SCHIP1: variants seen among roughly 807,000 people sequenced by gnomAD.
SCHIP1 encodes the protein schwannomin interacting protein 1, also known as schwannomin-interacting protein 1.
A neutral mutation model predicts 29.7 loss-of-function variants in SCHIP1; 8 were observed. That is an observed-to-expected ratio of 0.27 (90% CI 0.16 to 0.49). The LOEUF (loss-of-function observed/expected upper bound fraction) is 0.49. Ranked by LOEUF, SCHIP1 falls within the 20% of genes least tolerant of loss-of-function variation. The probability of loss-of-function intolerance (pLI) is 0.99; values close to 1 mark genes in which losing one functional copy is unlikely to be tolerated. For missense variants in SCHIP1, 193 were observed against 294.6 expected (o/e 0.66, Z 2.52); for synonymous variants, 76 against 94.9 (o/e 0.80, Z 1.16).
At chr3:159,772,979 G>A in the SCHIP1 span, among the ~76,000 whole-genome samples, 2 of 152,130 alleles carry the variant, frequency 1.3e-5, no homozygotes, top group Non-Finnish European at 2.9e-5. Context: ...GACCTCAAGT[G>A]ATCCGCCTGC....
chr3:159,764,260 G>T, the SCHIP1 span: 1 of 597,630 alleles, frequency 1.7e-6, no homozygotes, highest in Non-Finnish European at 2.7e-6. The surrounding 1 kb of genome is among the most constrained non-coding windows in gnomAD (Gnocchi z 6.1). Context: ...TGTGCGAGAG[G>T]AAAGGCGGGC....
At chr3:159,326,971 T>A in the SCHIP1 span, among the ~76,000 whole-genome samples, 1 of 152,212 alleles carries the variant, frequency 6.6e-6, no homozygotes, top group Non-Finnish European at 1.5e-5. Flanking sequence ...AAGAAACTTT[T>A]AAAAACTGGC....
chr3:159,312,916 G>T, the SCHIP1 span, among the ~76,000 whole-genome samples: 1 of 152,166 alleles, frequency 6.6e-6, no homozygotes, highest in Non-Finnish European at 1.5e-5. Flanking sequence ...CAGCTAGAAA[G>T]CATTTTTCTT....
chr3:159,287,209 A>G, the SCHIP1 span, among the ~76,000 whole-genome samples: 8 of 152,016 alleles, frequency 5.3e-5, no homozygotes, highest in Non-Finnish European at 1.2e-4. Flanking sequence ...TAAGTTTTAT[A>G]CTTAAGTCTT....
At chr3:159,889,220 A>C (rs1000621464) in intron 5 of SCHIP1, among the ~76,000 whole-genome samples, 2 of 152,230 alleles carry the variant, frequency 1.3e-5, no homozygotes, top group African/African-American at 4.8e-5. Flanking sequence ...CTGACTTACA[A>C]CACCTGTTTC....
At chr3:159,744,325 T>C in the SCHIP1 span, among the ~76,000 whole-genome samples, 2 of 152,304 alleles carry the variant, frequency 1.3e-5, no homozygotes, top group South Asian at 4.1e-4. Context: ...AACTTTAAAA[T>C]GTTGCCAAAA....
the SCHIP1 span, among the ~76,000 whole-genome samples, chr3:159,715,717 A>T: frequency 3.9e-5 from 6 of 152,210 alleles, no homozygotes; most frequent in Non-Finnish European, 7.4e-5. Flanking sequence ...AGTAAAAAGA[A>T]ATGAACTAAG....
chr3:159,735,196 C>A, the SCHIP1 span, among the ~76,000 whole-genome samples: 6 of 151,534 alleles, frequency 4.0e-5, no homozygotes, highest in African/African-American at 9.7e-5. Flanking sequence ...TCATAAGGCA[C>A]CTCTTACAAG....
the SCHIP1 span, among the ~76,000 whole-genome samples, chr3:159,586,903 T>C: frequency 1.1e-4 from 16 of 152,308 alleles, no homozygotes; most frequent in East Asian, 3.1e-3. Flanking sequence ...GGAAATTTAC[T>C]TGGCAGCAGG....
At chr3:159,537,642 G>A in the SCHIP1 span, among the ~76,000 whole-genome samples, 1 of 152,112 alleles carries the variant, frequency 6.6e-6, no homozygotes, top group Non-Finnish European at 1.5e-5. Flanking sequence ...TAACCCTGCT[G>A]ATGCCCTTTT....
chr3:159,392,149 G>T, the SCHIP1 span, among the ~76,000 whole-genome samples: 2 of 152,096 alleles, frequency 1.3e-5, no homozygotes, highest in Non-Finnish European at 2.9e-5. Context: ...TTAGTTGCCT[G>T]TCATCAGCTT....
the SCHIP1 span, among the ~76,000 whole-genome samples, chr3:159,469,950 A>T: frequency 6.6e-6 from 1 of 152,330 alleles, no homozygotes; most frequent in Non-Finnish European, 1.5e-5. Context: ...AATAATGAAC[A>T]TAACCAAGTA....
At chr3:159,570,540 T>C in the SCHIP1 span, among the ~76,000 whole-genome samples, 1 of 152,212 alleles carries the variant, frequency 6.6e-6, no homozygotes, top group African/African-American at 2.4e-5. Context: ...CCGTTTTGGT[T>C]ACTGTAGCCT....
chr3:159,290,366 A>G, the SCHIP1 span, among the ~76,000 whole-genome samples: 1 of 152,318 alleles, frequency 6.6e-6, no homozygotes, highest in African/African-American at 2.4e-5. Flanking sequence ...AAGAAACAAC[A>G]AAAGGAAAAC....
chr3:159,657,845 TG>T, the SCHIP1 span, among the ~76,000 whole-genome samples: 3 of 152,238 alleles, frequency 2.0e-5, no homozygotes, highest in East Asian at 5.8e-4. Flanking sequence ...AGACAGAAGC[TG>T]GAACACAGGA....
At chr3:159,806,918 C>A in the SCHIP1 span, among the ~76,000 whole-genome samples, 1 of 152,212 alleles carries the variant, frequency 6.6e-6, no homozygotes, top group East Asian at 1.9e-4. Flanking sequence ...TGGAAAACCA[C>A]ACTGTAACAT....
chr3:159,508,570 T>C, the SCHIP1 span, among the ~76,000 whole-genome samples: 2 of 152,346 alleles, frequency 1.3e-5, no homozygotes, highest in African/African-American at 4.8e-5. Flanking sequence ...AGGGTGTCAA[T>C]TTTAGATCTT....
At chr3:159,407,384 T>G in the SCHIP1 span, among the ~76,000 whole-genome samples, 2 of 152,176 alleles carry the variant, frequency 1.3e-5, no homozygotes, top group African/African-American at 4.8e-5. Flanking sequence ...ACCCAATATA[T>G]AAAGCAAATG....
the SCHIP1 span, among the ~76,000 whole-genome samples, chr3:159,456,433 A>G: frequency 6.6e-6 from 1 of 152,172 alleles, no homozygotes; most frequent in African/African-American, 2.4e-5. Flanking sequence ...TTCATACCCA[A>G]CTAAATGCCT....
Sources: gnomAD v4.1 joint callset for allele counts (sites outside exome capture counted in the v4.1 genomes callset) on GRCh38, gnomAD v4.1.1 for gene constraint, Gnocchi (gnomAD v3.1) non-coding constraint, MANE v1.5 for transcripts, NCBI Gene and HGNC (gene_info 2026-07-23, HGNC 2026-07-21) for gene names.